The following TRPC6 variants were observed in gnomAD, a reference collection of about 807,000 sequenced individuals.
TRPC6 encodes short transient receptor potential channel 6.
In TRPC6, 55 loss-of-function variants were observed where a neutral mutation model predicts 90.7. That is an observed-to-expected ratio of 0.61 (90% CI 0.49 to 0.76). The LOEUF (loss-of-function observed/expected upper bound fraction) is 0.76. Ranked by LOEUF, TRPC6 falls within the 30% of genes least tolerant of loss-of-function variation. The pLI, the probability that TRPC6 is intolerant of heterozygous loss-of-function variation, is 0.00. For missense variants in TRPC6, 989 were observed against 1,122.7 expected (o/e 0.88, Z 1.70); for synonymous variants, 393 against 393.0 (o/e 1.00, Z 0.00).
In TRPC6 at chr11:101,506,417, T is replaced by C. The variant is rs180672218; in HGVS notation, c.171-1619A>G. On this transcript the variant is annotated intron_variant, in intron 1 of 12. Coordinates refer to ENST00000344327, the MANE Select transcript of TRPC6 (RefSeq NM_004621.6). ...TTCCACATCTCCAGACAGTGCTGTC[T>C]GTGGCAGTGTGATGGACAGGAATAG... Among the ~76,000 whole-genome samples the C allele has an allele frequency of 2.2e-4, 34 of 152,298 alleles. No homozygotes were observed. In the East Asian group the frequency reaches 6.6e-3, roughly 29 times the overall value.
intron 1 of TRPC6, among the ~76,000 whole-genome samples, chr11:101,577,853 G>C (rs1199645277): frequency 3.3e-5 from 5 of 152,172 alleles, no homozygotes; most frequent in African/African-American, 1.2e-4. Flanking sequence ...GCTAAAAGAA[G>C]AGTAGTATGC....
In TRPC6 at chr11:101,483,051, G is replaced by A. The variant is rs1591075677; in HGVS notation, c.1408C>T (p.Leu470Phe). 1 of 1,614,064 alleles carries A rather than the reference G, an allele frequency of 6.2e-7. No individual in the cohort carries two copies. Among genetic ancestry groups the A allele is most frequent in the Non-Finnish European group, 8.5e-7 (1 of 1,179,944 alleles). Reference sequence around the variant, plus strand: ...TCTGTGCTGGTTTCATTAGGAAGGAGTTTTGTGCCTTCAAATCTGTCAGCT... The same window carrying A: ...TCTGTGCTGGTTTCATTAGGAAGGAATTTTGTGCCTTCAAATCTGTCAGCT... ...NAADRFEGTKLLPNETSTDNA... is the reference protein window; with the variant it reads ...NAADRFEGTKFLPNETSTDNA... Residue 470 changes from leucine to phenylalanine, a missense_variant, in exon 5 of 13, where the codon CTC becomes TTC. By Grantham distance (22) the Leu-to-Phe change is conservative. This residue lies in a region of TRPC6 where 486 missense variants were observed against 591.9 expected (regional missense o/e 0.82). Coordinates refer to ENST00000344327, the MANE Select transcript of TRPC6 (RefSeq NM_004621.6).
chr11:101,508,749 GA>G (rs1860330445), intron 1 of TRPC6, among the ~76,000 whole-genome samples: 1 of 152,096 alleles, frequency 6.6e-6, no homozygotes, highest in African/African-American at 2.4e-5. Context: ...ATAAAAGTAA[GA>G]TGAAAGTACT....
chr11:101,515,645 C>G (rs867028296), intron 1 of TRPC6, among the ~76,000 whole-genome samples: 1 of 152,118 alleles, frequency 6.6e-6, no homozygotes, highest in Non-Finnish European at 1.5e-5. Context: ...TTTCAAGAAA[C>G]TTTTTAAAAA....
At chr11:101,495,340 A>C (rs998107698) in intron 2 of TRPC6, among the ~76,000 whole-genome samples, 40 of 152,286 alleles carry the variant, frequency 2.6e-4, no homozygotes, top group African/African-American at 9.1e-4. Context: ...TACTTCATAG[A>C]AATTAACAGT....
At chr11:101,527,828 C>G (rs904118767) in intron 1 of TRPC6, among the ~76,000 whole-genome samples, 1 of 152,074 alleles carries the variant, frequency 6.6e-6, no homozygotes, top group Non-Finnish European at 1.5e-5. Context: ...AATCCCAGCA[C>G]TTTGGGAGGC....
intron 1 of TRPC6, among the ~76,000 whole-genome samples, chr11:101,519,092 AAAG>A (rs1310983159): frequency 3.3e-5 from 5 of 152,336 alleles, no homozygotes; most frequent in African/African-American, 7.2e-5. Flanking sequence ...AGGGTACAAA[AAAG>A]AAGAAAGAAT....
chr11:101,574,613 G>T (rs1366350911), intron 1 of TRPC6, among the ~76,000 whole-genome samples: 2 of 151,096 alleles, frequency 1.3e-5, no homozygotes, highest in Admixed American at 6.6e-5. Flanking sequence ...CAAGAAAAGG[G>T]TTCCTGCAGA....
At chr11:101,491,053 G>A (rs370023292) in intron 3 of TRPC6, among the ~76,000 whole-genome samples, 6 of 152,140 alleles carry the variant, frequency 3.9e-5, no homozygotes, top group East Asian at 3.9e-4. Context: ...ATATAAATAC[G>A]TCTAGATTTT....
At chr11:101,518,593 G>T (rs1393048213) in intron 1 of TRPC6, among the ~76,000 whole-genome samples, 1 of 152,186 alleles carries the variant, frequency 6.6e-6, no homozygotes, top group African/African-American at 2.4e-5. Context: ...TACAGTGTTG[G>T]TGGGAATGTA....
At chr11:101,578,548 C>T (rs966851899) in intron 1 of TRPC6, among the ~76,000 whole-genome samples, 1 of 152,068 alleles carries the variant, frequency 6.6e-6, no homozygotes, top group African/African-American at 2.4e-5. Flanking sequence ...TTCAGGTCAC[C>T]CAAAACCCTC....
chr11:101,502,910 G>T (rs555882573), intron 2 of TRPC6, among the ~76,000 whole-genome samples: 171 of 152,266 alleles, frequency 1.1e-3, no homozygotes, highest in Non-Finnish European at 2.0e-3. Context: ...GCCCAGGAAA[G>T]ACTGGGCTGT....
chr11:101,525,247 G>A (rs561371220), intron 1 of TRPC6, among the ~76,000 whole-genome samples: 18 of 152,312 alleles, frequency 1.2e-4, no homozygotes, highest in Non-Finnish European at 1.9e-4. Flanking sequence ...ACTTTGGCTC[G>A]AATCCTAGCT....
chr11:101,532,757 A>G (rs1442929054), intron 1 of TRPC6, among the ~76,000 whole-genome samples: 3 of 117,172 alleles, frequency 2.6e-5, no homozygotes, highest in Non-Finnish European at 3.7e-5. Flanking sequence ...AGCATGACAG[A>G]GGAGTGTGGG....
In TRPC6 at chr11:101,583,675, GC is replaced by G; in HGVS notation, c.-173del. 1 of 618,930 alleles carries G rather than the reference GC, an allele frequency of 1.6e-6. No individual in the cohort carries two copies. The highest frequency in any genetic ancestry group is 3.2e-5 in the South Asian group (1 of 31,200). 38.3% of individuals were successfully genotyped at this position (618,930 alleles called of 1,614,324 possible). A position where few individuals can be genotyped will look rare whatever the true frequency, so the allele number is the denominator to read the frequency against. On this transcript the variant is annotated 5_prime_UTR_variant, in exon 1 of 13. Transcript: ENST00000344327. ...TGCAGACGCCCGCCGCAAGTGGCTC[GC>G]CCACTGGCCCGGGGAAAAGTCACCA...
At chr11:101,478,517 G>T (rs576736494) in intron 5 of TRPC6, among the ~76,000 whole-genome samples, 1 of 152,012 alleles carries the variant, frequency 6.6e-6, no homozygotes, top group South Asian at 2.1e-4. Context: ...CTCTCTTTAA[G>T]AAATAAATAG....
chr11:101,550,428 T>C (rs1040035009), intron 1 of TRPC6, among the ~76,000 whole-genome samples: 4 of 151,682 alleles, frequency 2.6e-5, no homozygotes, highest in Admixed American at 2.0e-4. Context: ...TTTGTTAGAG[T>C]GCAGATTTAT....
chr11:101,516,210 T>G lies in TRPC6; in HGVS notation c.171-11412A>C, dbSNP rs548330189. ...GATTAGTTATGAACTGATTGATACA[T>G]AGAAACTTCCCTCTTAAGTTCATGC... is the stretch of plus-strand genomic sequence containing the variant. On this transcript the variant is annotated intron_variant, in intron 1 of 12. Coordinates refer to ENST00000344327, the MANE Select transcript of TRPC6 (RefSeq NM_004621.6). 3.9e-5 allele frequency among the ~76,000 whole-genome samples: 6 copies of G among 152,112 alleles called. No homozygotes were observed. The South Asian group carries it at 1.2e-3, about 32-fold the overall frequency.
chr11:101,561,420 A>T (rs781268478), intron 1 of TRPC6, among the ~76,000 whole-genome samples: 1 of 152,174 alleles, frequency 6.6e-6, no homozygotes, highest in Non-Finnish European at 1.5e-5. Flanking sequence ...TGTATACATG[A>T]GTTCCATGCC....
Sources: allele counts gnomAD v4.1 joint callset (sites outside exome capture counted in the v4.1 genomes callset), GRCh38; gene constraint gnomAD v4.1.1; regional missense constraint gnomAD v4.1.1; transcripts MANE v1.5; gene names NCBI Gene and HGNC (gene_info 2026-07-23, HGNC 2026-07-21).